PDE4D: variants seen among roughly 807,000 people sequenced by gnomAD.
PDE4D encodes the protein phosphodiesterase 4D.
PDE4D carries 24 observed loss-of-function variants against 87.4 expected under a neutral mutation model. The ratio of observed to expected loss-of-function variants is 0.27; its 90% confidence interval spans 0.20 to 0.39. The LOEUF (loss-of-function observed/expected upper bound fraction) is 0.39, where lower values mean the gene tolerates loss of function less well. Among genes scored for constraint, PDE4D ranks in the 10% least tolerant of loss-of-function variants. The probability of loss-of-function intolerance (pLI) is 1.00; values close to 1 mark genes in which losing one functional copy is unlikely to be tolerated. For missense variants in PDE4D, 714 were observed against 1,041.0 expected (o/e 0.69, Z 4.32); for synonymous variants, 384 against 383.2 (o/e 1.00, Z -0.02).
At chr5:59,045,936 G>A (rs975756518) in intron 5 of PDE4D, among the ~76,000 whole-genome samples, 1 of 152,194 alleles carries the variant, frequency 6.6e-6, no homozygotes, top group African/African-American at 2.4e-5. Flanking sequence ...GACAATCTCT[G>A]TATTAAAATC....
intron 1 of PDE4D, among the ~76,000 whole-genome samples, chr5:60,249,954 G>A (rs999850587): frequency 6.6e-6 from 1 of 151,922 alleles, no homozygotes; most frequent in East Asian, 1.9e-4. Flanking sequence ...CATTTAAAAT[G>A]ACTACCAAAA....
intron 5 of PDE4D, among the ~76,000 whole-genome samples, chr5:59,055,249 G>T (rs553169277): frequency 6.6e-6 from 1 of 152,214 alleles, no homozygotes; most frequent in East Asian, 1.9e-4. Context: ...CATTTTCCTA[G>T]ATCTTTCCTC....
chr5:59,429,807 T>A (rs1453498035), intron 1 of PDE4D, among the ~76,000 whole-genome samples: 2 of 152,154 alleles, frequency 1.3e-5, no homozygotes, highest in African/African-American at 2.4e-5. Context: ...ACAACTTTTT[T>A]ATAGGAAAAA....
chr5:59,616,491 T>C (rs1829687566), intron 1 of PDE4D, among the ~76,000 whole-genome samples: 4 of 152,244 alleles, frequency 2.6e-5, no homozygotes, highest in South Asian at 4.1e-4. Flanking sequence ...GTGATAAATA[T>C]AATGTAGCAG....
chr5:59,232,981 TA>T (rs1384934057), intron 1 of PDE4D, among the ~76,000 whole-genome samples: 64 of 152,050 alleles, frequency 4.2e-4, no homozygotes, highest in Non-Finnish European at 5.9e-5. Flanking sequence ...AAGTGGGTGC[TA>T]AAAAAAGTTG....
intron 1 of PDE4D, among the ~76,000 whole-genome samples, chr5:60,389,180 C>T (rs1040625737): frequency 1.1e-4 from 17 of 152,158 alleles, no homozygotes; most frequent in Non-Finnish European, 2.4e-4. Context: ...AGTGTCTTCT[C>T]CCTCTTCCTT....
At chr5:59,896,321 C>T (rs139262686), upstream of PDE4D, among the ~76,000 whole-genome samples, 13 of 152,162 alleles carry the variant, frequency 8.5e-5, no homozygotes, top group African/African-American at 3.1e-4. Context: ...TGTTAATCAG[C>T]AGTTCCCAGT....
chr5:60,200,924 A>C (rs1277634411), intron 1 of PDE4D, among the ~76,000 whole-genome samples: 1 of 152,122 alleles, frequency 6.6e-6, no homozygotes, highest in Non-Finnish European at 1.5e-5. Context: ...AACACTTAAC[A>C]CTGAATCCTG....
chr5:59,313,189 G>C (rs568956032), intron 1 of PDE4D, among the ~76,000 whole-genome samples: 1 of 152,208 alleles, frequency 6.6e-6, no homozygotes, highest in Non-Finnish European at 1.5e-5. Context: ...TACAAGAACT[G>C]CCTACTTTGT....
At chr5:60,046,163 T>C (rs1055262719) in intron 2 of PDE4D, among the ~76,000 whole-genome samples, 2 of 152,246 alleles carry the variant, frequency 1.3e-5, no homozygotes, top group African/African-American at 4.8e-5. Context: ...TTTGGCTCTC[T>C]GTTTGTCTGT....
intron 1 of PDE4D, among the ~76,000 whole-genome samples, chr5:59,781,103 T>G (rs1485157806): frequency 1.3e-5 from 2 of 148,274 alleles, no homozygotes; most frequent in Non-Finnish European, 3.0e-5. Flanking sequence ...GAGGCAGAGG[T>G]TATGGTGAGC....
At chr5:59,244,853 A>G (rs1758538837) in intron 1 of PDE4D, among the ~76,000 whole-genome samples, 1 of 150,942 alleles carries the variant, frequency 6.6e-6, no homozygotes, top group Non-Finnish European at 1.5e-5. Context: ...TTAAAGGTTT[A>G]TTCAGGAAAT....
Position 58,973,721 on chromosome 5 carries a change from A to AGAAAAACACTGGT in PDE4D, c.*930_*942dup, listed in dbSNP as rs1309650752. On this transcript the variant is annotated 3_prime_UTR_variant, in exon 15 of 15. Transcript: ENST00000340635. ...GAACAAATAGTCACTTTGCACATGA[A>AGAAAAACACTGGT]GAAAAACACTGGTGAAGAGCAACTC... 6.6e-6 allele frequency: 1 copy of AGAAAAACACTGGT among 152,654 alleles called. No individual in the cohort carries two copies. Among genetic ancestry groups the AGAAAAACACTGGT allele is most frequent in the Admixed American group, 6.5e-5 (1 of 15,288 alleles). 9.5% of individuals were successfully genotyped at this position (152,654 alleles called of 1,614,324 possible).
intron 1 of PDE4D, among the ~76,000 whole-genome samples, chr5:60,366,716 A>AC (rs1357931453): frequency 2.0e-5 from 3 of 151,804 alleles, no homozygotes; most frequent in Admixed American, 1.3e-4. Flanking sequence ...GCACTTACTC[A>AC]CCCCCTGCAG....
chr5:60,183,124 G>A (rs1290762054), intron 2 of PDE4D, among the ~76,000 whole-genome samples: 1 of 152,130 alleles, frequency 6.6e-6, no homozygotes, highest in Non-Finnish European at 1.5e-5. Context: ...CAGGGAAAAA[G>A]TAGCTTTCGG....
chr5:60,173,558 TAC>T (rs373576079), intron 2 of PDE4D, among the ~76,000 whole-genome samples: 9 of 150,158 alleles, frequency 6.0e-5, no homozygotes, highest in South Asian at 2.1e-4. Context: ...TAACAGAAAT[TAC>T]ACACACACAC....
chr5:60,117,024 A>G (rs1161409066), intron 2 of PDE4D, among the ~76,000 whole-genome samples: 1 of 133,302 alleles, frequency 7.5e-6, no homozygotes, highest in Non-Finnish European at 1.6e-5. Context: ...ATAATTTGAC[A>G]TTACCCAAAA....
At chr5:60,111,245 G>A (rs1005012629) in intron 2 of PDE4D, among the ~76,000 whole-genome samples, 3 of 151,828 alleles carry the variant, frequency 2.0e-5, no homozygotes, top group African/African-American at 4.8e-5. Context: ...CATTGTATAC[G>A]CATATTGAAA....
Position 59,989,874 on chromosome 5 carries a change from A to G in PDE4D, c.43-1157T>C, listed in dbSNP as rs372176305. On this transcript the variant is annotated intron_variant, in intron 2 of 16. Transcript: ENST00000502484. ...TGAATCTTTGCACTGCCACTTTACT[A>G]TTTGTATTGATAGTGTGTTGCTTAG... 1.3e-4 allele frequency among the ~76,000 whole-genome samples: 20 copies of G among 152,174 alleles called. No homozygotes were observed. The East Asian group carries it at 2.3e-3, about 18-fold the overall frequency.
Sources: allele counts gnomAD v4.1 joint callset (sites outside exome capture counted in the v4.1 genomes callset), GRCh38; gene constraint gnomAD v4.1.1; transcripts MANE v1.5; gene names NCBI Gene and HGNC (gene_info 2026-07-23, HGNC 2026-07-21).